EIF3D: variants seen among roughly 807,000 people sequenced by gnomAD.
EIF3D encodes the protein eIF3 p66.
A neutral mutation model predicts 75.4 loss-of-function variants in EIF3D; 10 were observed. That is an observed-to-expected ratio of 0.13 (90% CI 0.08 to 0.22). The LOEUF (loss-of-function observed/expected upper bound fraction) is 0.22. Ranked by LOEUF, EIF3D falls within the 10% of genes least tolerant of loss-of-function variation. EIF3D has a pLI of 1.00. For synonymous variants in EIF3D, 246 were observed against 248.3 expected, an observed-to-expected ratio of 0.99 and a Z score of 0.09; for missense variants, 394 against 708.0, an observed-to-expected ratio of 0.56 and a Z score of 5.03.
At chr22:36,524,988 C>A (rs118051874) in intron 3 of EIF3D, among the ~76,000 whole-genome samples, 1 of 152,206 alleles carries the variant, frequency 6.6e-6, no homozygotes, top group African/African-American at 2.4e-5. Context: ...AGCCAAGAAT[C>A]TGAAGGACTC....
intron 7 of EIF3D, 61 bp downstream of exon 7, chr22:36,520,515 C>T: frequency 8.5e-7 from 1 of 1,177,784 alleles, no homozygotes; most frequent in Non-Finnish European, 1.2e-6. Context: ...AGAAAATACC[C>T]ATCACCAGCT....
rs768852788 is a variant in EIF3D, at chr22:36,516,507, T to C, written c.1177A>G (p.Ile393Val). Residue 393 changes from isoleucine (I) to valine (V), a missense_variant, in exon 12 of 15, where the codon ATC (isoleucine) becomes GTC (valine). Physicochemically the swap from Ile to Val is conservative, Grantham distance 29. Transcript: ENST00000216190. ...GAATCCCACTCATTGAGTGTCTTGATGTTGATGAAGGACACTTCCCCGTTG... is the reference window on the plus strand; with the variant it reads ...GAATCCCACTCATTGAGTGTCTTGACGTTGATGAAGGACACTTCCCCGTTG... ...GANGEVSFIN[I>V]KTLNEWDSRH... The C allele has an allele frequency of 6.2e-7, 1 of 1,614,206 alleles. No individual in the cohort carries two copies. The highest frequency in any genetic ancestry group is 1.7e-5 in the Admixed American group (1 of 60,024).
chr22:36,516,667 C>A, intron 11 of EIF3D, 38 bp downstream of exon 11: 1 of 1,614,114 alleles, frequency 6.2e-7, no homozygotes, highest in Non-Finnish European at 8.5e-7. Flanking sequence ...GGCCCGTGCT[C>A]CAGTCTGGCC....
At position 36,526,234 on chromosome 22, in the gene EIF3D, A is replaced by G. The variant is rs9622411; in HGVS notation, c.-10-103T>C. 1,015 of 1,283,820 alleles carry G rather than the reference A, an allele frequency of 7.9e-4. 13 individuals carry two copies. In the African/African-American group the frequency reaches 0.014, roughly 18 times the overall value. The allele number at this position is 1,283,820 out of a possible 1,614,324, so 79.5% of individuals were successfully genotyped here. ...AAAGACATAAATGATAGAACTCAAA[A>G]AGCAACACGCAAAATGGAACCCTCA... is the stretch of plus-strand genomic sequence containing the variant. On this transcript the variant is annotated intron_variant, in intron 1 of 14. Coordinates refer to ENST00000216190, the MANE Select transcript of EIF3D (RefSeq NM_003753.4).
intron 12 of EIF3D, among the ~76,000 whole-genome samples, chr22:36,515,241 T>C (rs1304059961): frequency 6.6e-6 from 1 of 152,178 alleles, no homozygotes; most frequent in Non-Finnish European, 1.5e-5. Flanking sequence ...TAAATTGGTA[T>C]TGTTAGGCCG....
intron 1 of EIF3D, among the ~76,000 whole-genome samples, chr22:36,527,563 G>A (rs1223484883): frequency 6.6e-6 from 1 of 152,324 alleles, no homozygotes; most frequent in South Asian, 2.1e-4. Context: ...CTTGGAGGCC[G>A]GGCGCGGTGG....
chr22:36,515,097 CTG>C (rs1366877973), intron 12 of EIF3D, among the ~76,000 whole-genome samples: 1 of 152,204 alleles, frequency 6.6e-6, no homozygotes, highest in Non-Finnish European at 1.5e-5. Context: ...GCCTGCAGAA[CTG>C]TGAGCCAATT....
At chr22:36,520,470 T>A (rs1261218441) in intron 7 of EIF3D, 106 bp downstream of exon 7, 5 of 735,380 alleles carry the variant, frequency 6.8e-6, no homozygotes, top group Non-Finnish European at 1.1e-5. Context: ...TTTGAGTAAG[T>A]GGCTTCAAAG....
Position 36,512,500 on chromosome 22 carries a change from A to T in EIF3D, c.1309T>A (p.Cys437Ser), listed in dbSNP as rs1369903058. 6.2e-7 allele frequency: 1 copy of T among 1,614,240 alleles called. No individual in the cohort carries two copies. Among genetic ancestry groups the T allele is most frequent in the Non-Finnish European group, 8.5e-7 (1 of 1,180,044 alleles). The change falls in exon 13 of 15, where the codon TGC becomes AGC. Residue 437 changes from cysteine (C) to serine (S), a missense_variant. Physicochemically the swap from Cys to Ser is moderately radical, Grantham distance 112 (BLOSUM62 -1). Coordinates refer to ENST00000216190, the MANE Select transcript of EIF3D (RefSeq NM_003753.4). Reference sequence around the variant, plus strand: ...TCAGATCCAGCCAGCAAAGCACAGCAGGTCCACCGGGCCAACTTGTAGCTG... The same window carrying T: ...TCAGATCCAGCCAGCAAAGCACAGCTGGTCCACCGGGCCAACTTGTAGCTG... ...NNSYKLARWTCCALLAGSEYL... is the reference protein window; with the variant it reads ...NNSYKLARWTSCALLAGSEYL...
chr22:36,524,468 C>A lies in EIF3D; in HGVS notation c.306+128G>T, dbSNP rs1037942727. On this transcript the variant is annotated intron_variant, in intron 4 of 14. Coordinates refer to ENST00000216190, the MANE Select transcript of EIF3D (RefSeq NM_003753.4). Reference sequence around the variant, plus strand: ...GTACCACTTGTTATGGAACGGTGACCCGAGATTCACGAAAAGACCTATAAT... The same window carrying A: ...GTACCACTTGTTATGGAACGGTGACACGAGATTCACGAAAAGACCTATAAT... The A allele has an allele frequency of 4.1e-4, 560 of 1,361,894 alleles. 4 individuals carry two copies. The highest frequency in any genetic ancestry group is 2.2e-4 in the Admixed American group (11 of 48,942). 84.4% of individuals were successfully genotyped at this position (1,361,894 alleles called of 1,614,324 possible).
At chr22:36,512,373 C>G in intron 13 of EIF3D, 87 bp downstream of exon 13, 1 of 1,547,290 alleles carries the variant, frequency 6.5e-7, no homozygotes. Flanking sequence ...GTCAATTGTC[C>G]AGTACACGGG....
rs144669874 is a variant in EIF3D, at chr22:36,518,988, T to A, written c.712-78A>T. The A allele has an allele frequency of 2.0e-4, 305 of 1,555,190 alleles. 1 individual carries two copies. The African/African-American group carries it at 3.9e-3, about 20-fold the overall frequency. On this transcript the variant is annotated intron_variant, in intron 8 of 14. Coordinates refer to ENST00000216190, the MANE Select transcript of EIF3D (RefSeq NM_003753.4). Reference sequence around the variant, plus strand: ...CCCACTCACATGGATGGGAAAGAACTCCTTTGCTGACCACATAAATCCTTA... The same window carrying A: ...CCCACTCACATGGATGGGAAAGAACACCTTTGCTGACCACATAAATCCTTA...
At chr22:36,523,579 G>C (rs1454611466) in intron 5 of EIF3D, among the ~76,000 whole-genome samples, 2 of 152,180 alleles carry the variant, frequency 1.3e-5, no homozygotes, top group African/African-American at 4.8e-5. Flanking sequence ...GAGGCTCAAA[G>C]GACCAGCATA....
chr22:36,514,789 A>G (rs1180787137), intron 12 of EIF3D, among the ~76,000 whole-genome samples: 1 of 152,164 alleles, frequency 6.6e-6, no homozygotes, highest in African/African-American at 2.4e-5. Context: ...TTCTATTTCT[A>G]TTGACACCAT....
At chr22:36,518,666 C>CA (rs757730546) in intron 9 of EIF3D, 97 bp downstream of exon 9, 33 of 1,491,690 alleles carry the variant, frequency 2.2e-5, no homozygotes, top group Admixed American at 3.6e-5. Context: ...CTTGGGAAGA[C>CA]AGACCACTTT....
At chr22:36,519,264 C>A in intron 8 of EIF3D, 141 bp downstream of exon 8, 2 of 1,255,536 alleles carry the variant, frequency 1.6e-6, no homozygotes, top group East Asian at 2.4e-5. Flanking sequence ...GCTTAACATC[C>A]ACATTTCCGG....
At chr22:36,524,015 T>C (rs12157889) in intron 4 of EIF3D, 35 bp from the exon 5 acceptor site, 199,793 of 1,609,336 alleles carry the variant, frequency 0.12, 13,998 homozygotes, top group Middle Eastern at 0.3. Flanking sequence ...TGTTAAAATC[T>C]TGGAGATTTG....
intron 13 of EIF3D, among the ~76,000 whole-genome samples, chr22:36,512,170 A>G (rs901738223): frequency 5.3e-5 from 8 of 152,168 alleles, no homozygotes; most frequent in South Asian, 2.1e-4. Flanking sequence ...GATTACAGGC[A>G]TGAGCCACCG....
Position 36,528,599 on chromosome 22 carries a change from G to GGGGGC in EIF3D, c.-11+476_-11+477insGCCCC, listed in dbSNP as rs1555889549. 2 of 146,356 alleles carry GGGGGC rather than the reference G, an allele frequency of 1.4e-5. 1 individual carries two copies. The highest frequency in any genetic ancestry group is 5.5e-5 in the African/African-American group (2 of 36,242). The allele number at this position is 146,356 out of a possible 1,614,324, so 9.1% of individuals were successfully genotyped here. On this transcript the variant is annotated intron_variant, in intron 1 of 14. Transcript: ENST00000216190. ...TAAGCCGTCCATCGCTGAACAGGGG[G>GGGGGC]TGGGGTAGATTTAAGATCAGAGATC...
Sources: allele counts gnomAD v4.1 joint callset (sites outside exome capture counted in the v4.1 genomes callset), GRCh38; gene constraint gnomAD v4.1.1; transcripts MANE v1.5; gene names NCBI Gene and HGNC (gene_info 2026-07-23, HGNC 2026-07-21).